Variants in WIPF3 observed in about 807,000 individuals in gnomAD.
WIPF3 encodes WAS/WASL-interacting protein family member 3.
A neutral mutation model predicts 38.9 loss-of-function variants in WIPF3; 33 were observed. The observed-to-expected ratio is 0.85, with a 90% CI of 0.64 to 1.14. The LOEUF is 1.14. WIPF3 is among the 50% of genes most tolerant of loss of function. The pLI, the probability that WIPF3 is intolerant of heterozygous loss-of-function variation, is 0.00. For synonymous variants in WIPF3, 324 were observed against 269.3 expected (o/e 1.20, Z -1.99); for missense variants, 711 against 652.5 (o/e 1.09, Z -0.98).
Position 29,889,393 on chromosome 7 carries a change from G to C in WIPF3, c.1337G>C (p.Ser446Thr). The C allele has an allele frequency of 6.2e-7, 1 of 1,613,864 alleles. No individual in the cohort carries two copies. The highest frequency in any genetic ancestry group is 8.5e-7 in the Non-Finnish European group (1 of 1,179,796). The stretch of plus-strand genomic sequence containing the variant: ...AAACCATGCCAGAAGATTTACCCCA[G>C]CAAGATCCCCAGAAGTAAGTACCAC... Reference protein sequence around the residue: ...EYKPCQKIYPSKIPRSRTPGP... With the variant: ...EYKPCQKIYPTKIPRSRTPGP... Residue 446 changes from serine (S) to threonine (T), a missense_variant, in exon 7 of 9, where the codon AGC (serine) becomes ACC (threonine). Physicochemically the swap from Ser to Thr is moderately conservative, Grantham distance 58 (BLOSUM62 1). Transcript: ENST00000242140.
At chr7:29,832,650 A>G (rs549418976) in intron 1 of WIPF3, among the ~76,000 whole-genome samples, 2 of 152,336 alleles carry the variant, frequency 1.3e-5, no homozygotes, top group East Asian at 3.9e-4. Context: ...GTAGTTGTGT[A>G]CAACAATCAG....
At chr7:29,872,857 A>C (rs935202370) in intron 2 of WIPF3, among the ~76,000 whole-genome samples, 1 of 150,606 alleles carries the variant, frequency 6.6e-6, no homozygotes, top group Non-Finnish European at 1.5e-5. Context: ...GCGGGAGATC[A>C]TCGGGGCGCT....
intron 1 of WIPF3, among the ~76,000 whole-genome samples, chr7:29,820,314 G>A (rs1166291002): frequency 6.6e-6 from 1 of 152,032 alleles, no homozygotes; most frequent in Non-Finnish European, 1.5e-5. Flanking sequence ...AATCAGGTGT[G>A]TATCTTTTAC....
rs1786602885 is a variant in WIPF3 at position 29,915,761 on chromosome 7, C to G, written c.*1245C>G. On this transcript the variant is annotated 3_prime_UTR_variant, in exon 9 of 9. Transcript: ENST00000242140. ...CTGCCTGACCCCTGATGTTCCCCAT[C>G]TTTGGTCGGGGAAGACTGTGACAGA... 6.6e-6 allele frequency: 1 copy of G among 152,346 alleles called. No homozygotes were observed. Among genetic ancestry groups the G allele is most frequent in the South Asian group, 2.1e-4 (1 of 4,826 alleles). 9.4% of individuals were successfully genotyped at this position (152,346 alleles called of 1,614,324 possible). A position where few individuals can be genotyped will look rare whatever the true frequency, so the allele number is the denominator to read the frequency against.
At chr7:29,810,474 GTGAATGAATGAATGAA>G (rs55728973) in intron 1 of WIPF3, among the ~76,000 whole-genome samples, 1 of 151,740 alleles carries the variant, frequency 6.6e-6, no homozygotes, top group Non-Finnish European at 1.5e-5. Flanking sequence ...AATTGTGTGA[GTGAATGAATGAATGAA>G]TGAATGAATG....
intron 8 of WIPF3, chr7:29,905,172 G>A (rs1314938997): frequency 6.6e-6 from 1 of 152,170 alleles, no homozygotes; most frequent in African/African-American, 2.4e-5. Flanking sequence ...TTCCTCAGAG[G>A]AAAAAGTACA....
intron 8 of WIPF3, among the ~76,000 whole-genome samples, chr7:29,911,416 AAAG>A (rs1417798832): frequency 1.3e-5 from 2 of 152,102 alleles, no homozygotes; most frequent in African/African-American, 4.8e-5. Context: ...CAGAATCCTA[AAAG>A]AAGAATCCTA....
intron 5 of WIPF3, among the ~76,000 whole-genome samples, chr7:29,886,844 A>T (rs921469145): frequency 6.6e-6 from 1 of 152,224 alleles, no homozygotes; most frequent in African/African-American, 2.4e-5. Context: ...AGAAATCTGC[A>T]TAAAGGGCTT....
At chr7:29,881,093 T>A (rs1377649670) in intron 4 of WIPF3, among the ~76,000 whole-genome samples, 1 of 152,170 alleles carries the variant, frequency 6.6e-6, no homozygotes, top group Non-Finnish European at 1.5e-5. Flanking sequence ...AGTCTCTCCC[T>A]TCCTGCAGGT....
intron 1 of WIPF3, among the ~76,000 whole-genome samples, chr7:29,832,358 T>TA (rs34834865): frequency 0.2 from 30,448 of 152,182 alleles, 3,346 homozygotes; most frequent in African/African-American, 0.27. Flanking sequence ...CACCAGCCTG[T>TA]AAAATGCTAA....
intron 1 of WIPF3, among the ~76,000 whole-genome samples, chr7:29,808,018 C>T (rs965444145): frequency 2.0e-5 from 3 of 152,064 alleles, no homozygotes; most frequent in Admixed American, 6.6e-5. Flanking sequence ...TTGGGCCTTG[C>T]AAGGAGATAA....
chr7:29,891,386 A>G (rs1382901100), intron 7 of WIPF3, among the ~76,000 whole-genome samples: 1 of 152,212 alleles, frequency 6.6e-6, no homozygotes, highest in Non-Finnish European at 1.5e-5. Flanking sequence ...CCTTGTGCTC[A>G]GGTGGATGTT....
intron 2 of WIPF3, among the ~76,000 whole-genome samples, chr7:29,854,349 A>G (rs1162624689): frequency 6.6e-6 from 1 of 152,236 alleles, no homozygotes; most frequent in African/African-American, 2.4e-5. Context: ...TCGATTCTTT[A>G]ATCCCAAGTA....
intron 1 of WIPF3, among the ~76,000 whole-genome samples, chr7:29,829,274 G>T (rs1422278437): frequency 7.2e-6 from 1 of 139,092 alleles, no homozygotes; most frequent in African/African-American, 2.7e-5. Context: ...GTGCAGTGGC[G>T]CAATCTAGGC....
intron 8 of WIPF3, 49 bp downstream of exon 8, chr7:29,904,411 G>A: frequency 5.1e-6 from 8 of 1,572,462 alleles, no homozygotes; most frequent in Non-Finnish European, 7.0e-6. Context: ...ATTCTCCTCA[G>A]GAGGCACAGA....
chr7:29,847,709 T>C (rs761048661), intron 2 of WIPF3, among the ~76,000 whole-genome samples: 1 of 152,182 alleles, frequency 6.6e-6, no homozygotes, highest in Non-Finnish European at 1.5e-5. Flanking sequence ...AATGAGGTCT[T>C]ATGACCTACA....
At chr7:29,883,778 G>A (rs887459883) in intron 4 of WIPF3, 72 bp from the exon 5 acceptor site, 4 of 1,495,808 alleles carry the variant, frequency 2.7e-6, no homozygotes, top group East Asian at 4.7e-5. Flanking sequence ...TGAGTGTCCT[G>A]AGTGCCGCCT....
In WIPF3 at chr7:29,817,266, G is replaced by C. The variant is rs146587602; in HGVS notation, c.-58+10588G>C. Among the ~76,000 whole-genome samples, 445 of 152,146 alleles carry C rather than the reference G, an allele frequency of 2.9e-3. 4 individuals carry two copies. The highest frequency in any genetic ancestry group is 4.5e-3 in the Admixed American group (68 of 15,278). On this transcript the variant is annotated intron_variant, in intron 1 of 8. Transcript: ENST00000242140. ...ATTTTACTATAATTTTTATTTTACT[G>C]TAATTTCCCCCAGTTTATAATATGA...
chr7:29,863,964 GT>G (rs1350729534), intron 2 of WIPF3, among the ~76,000 whole-genome samples: 2 of 152,112 alleles, frequency 1.3e-5, no homozygotes, highest in East Asian at 3.8e-4. Context: ...AGAAAATCAT[GT>G]TGTCTGAGAA....
Sources: allele counts gnomAD v4.1 joint callset (sites outside exome capture counted in the v4.1 genomes callset), GRCh38; gene constraint gnomAD v4.1.1; transcripts MANE v1.5; gene names NCBI Gene and HGNC (gene_info 2026-07-23, HGNC 2026-07-21).